Variants in NIBAN1 observed in about 807,000 individuals in gnomAD.
The protein encoded by NIBAN1 is protein Niban 1.
Under a neutral mutation model 75.1 loss-of-function variants are expected in NIBAN1, and 81 were observed. That is an observed-to-expected ratio of 1.08 (90% CI 0.90 to 1.30). The LOEUF is 1.30. NIBAN1 is among the 50% of genes most tolerant of loss of function. The pLI is 0.00. For missense variants in NIBAN1, 1,133 were observed against 1,128.1 expected (o/e 1.00, Z -0.06); for synonymous variants, 436 against 424.8 (o/e 1.03, Z -0.32).
intron 1 of NIBAN1, among the ~76,000 whole-genome samples, chr1:184,915,495 T>C (rs781150744): frequency 1.3e-5 from 2 of 152,210 alleles, no homozygotes; most frequent in African/African-American, 4.8e-5. Flanking sequence ...GATGGTTTAG[T>C]ACTTCTGGGG....
chr1:184,903,337 T>C (rs1365443220), intron 1 of NIBAN1, among the ~76,000 whole-genome samples: 1 of 152,212 alleles, frequency 6.6e-6, no homozygotes, highest in Non-Finnish European at 1.5e-5. Flanking sequence ...CATAACACCC[T>C]TCAAGGTAAT....
At chr1:184,836,802 C>A (rs1655157630) in intron 5 of NIBAN1, among the ~76,000 whole-genome samples, 2 of 152,194 alleles carry the variant, frequency 1.3e-5, no homozygotes, top group Admixed American at 1.3e-4. Context: ...TAAATACTTC[C>A]TTTCCATAAA....
At chr1:184,873,653 C>T (rs1656165661) in intron 5 of NIBAN1, among the ~76,000 whole-genome samples, 1 of 152,196 alleles carries the variant, frequency 6.6e-6, no homozygotes, top group Admixed American at 6.5e-5. Context: ...AAATCTCTTT[C>T]CTTTGTTGAG....
chr1:184,798,723 AAGG>A (rs1378786165), intron 12 of NIBAN1, among the ~76,000 whole-genome samples: 1 of 152,180 alleles, frequency 6.6e-6, no homozygotes, highest in Non-Finnish European at 1.5e-5. Context: ...AACCCAGATC[AAGG>A]AGAACATTTC....
At chr1:184,887,302 C>T (rs907556429) in intron 4 of NIBAN1, among the ~76,000 whole-genome samples, 3 of 152,116 alleles carry the variant, frequency 2.0e-5, no homozygotes, top group East Asian at 3.9e-4. Flanking sequence ...AACATGAAAA[C>T]GAGCAAATGA....
intron 4 of NIBAN1, among the ~76,000 whole-genome samples, chr1:184,889,855 A>G (rs1443465452): frequency 1.3e-5 from 2 of 152,206 alleles, no homozygotes; most frequent in African/African-American, 2.4e-5. Flanking sequence ...CCTTGGCACT[A>G]CTGATACTTT....
rs116047838 is a variant in NIBAN1, at chr1:184,812,529, C to T, written c.1174-4294G>A. 8.6e-3 allele frequency among the ~76,000 whole-genome samples: 1,308 copies of T among 152,190 alleles called. 13 individuals are homozygous for T. The highest frequency in any genetic ancestry group is 0.014 in the Non-Finnish European group (952 of 67,996). The stretch of plus-strand genomic sequence containing the variant: ...GCTTCTCTCTATATATAAAAACAGT[C>T]GAATGAATGGTAAAAATCACTGCTT... On this transcript the variant is annotated intron_variant, in intron 9 of 13. Transcript: ENST00000367511.
intron 6 of NIBAN1, among the ~76,000 whole-genome samples, chr1:184,826,036 G>A (rs1410585496): frequency 1.3e-5 from 2 of 152,166 alleles, no homozygotes; most frequent in African/African-American, 4.8e-5. Context: ...CCTTTAATCA[G>A]GGCTCTGTCG....
At chr1:184,911,088 C>T (rs1657229517) in intron 1 of NIBAN1, among the ~76,000 whole-genome samples, 1 of 151,994 alleles carries the variant, frequency 6.6e-6, no homozygotes, top group South Asian at 2.1e-4. Context: ...CACACACACA[C>T]ACATATATAT....
At position 184,921,497 on chromosome 1, in the gene NIBAN1, T is replaced by C. The variant is rs528929583; in HGVS notation, c.56-22188A>G. 1.8e-3 allele frequency among the ~76,000 whole-genome samples: 276 copies of C among 152,274 alleles called. 1 individual carries two copies. The highest frequency in any genetic ancestry group is 6.2e-3 in the African/African-American group (257 of 41,554). On this transcript the variant is annotated intron_variant, in intron 1 of 13. Transcript: ENST00000367511. Reference sequence around the variant, plus strand: ...TGATTATCACTGGGTAGTAGGCCCATAGATACAAATTTTTCCTTCCGTCTT... The same window carrying C: ...TGATTATCACTGGGTAGTAGGCCCACAGATACAAATTTTTCCTTCCGTCTT...
intron 9 of NIBAN1, among the ~76,000 whole-genome samples, chr1:184,812,165 C>T (rs1381342121): frequency 6.6e-6 from 1 of 152,150 alleles, no homozygotes; most frequent in African/African-American, 2.4e-5. Flanking sequence ...TTTTCCTTTC[C>T]TATCTTTTCT....
intron 5 of NIBAN1, among the ~76,000 whole-genome samples, chr1:184,839,564 T>TGTGC (rs1553219315): frequency 6.4e-4 from 96 of 150,776 alleles, no homozygotes; most frequent in African/African-American, 6.6e-4. Flanking sequence ...TGTGTGTGTG[T>TGTGC]GCACGCGCGC....
intron 1 of NIBAN1, among the ~76,000 whole-genome samples, chr1:184,959,424 G>C (rs1223235356): frequency 6.6e-6 from 1 of 152,278 alleles, no homozygotes; most frequent in Middle Eastern, 3.4e-3. Flanking sequence ...TTCGCACATG[G>C]AGCATATAAT....
intron 5 of NIBAN1, among the ~76,000 whole-genome samples, chr1:184,872,060 G>C (rs1020937222): frequency 6.6e-6 from 1 of 151,970 alleles, no homozygotes; most frequent in Non-Finnish European, 1.5e-5. Context: ...AAGTTAATAA[G>C]GTACCATGAG....
intron 1 of NIBAN1, among the ~76,000 whole-genome samples, chr1:184,906,851 T>G (rs1378133623): frequency 2.6e-5 from 4 of 152,218 alleles, no homozygotes; most frequent in Non-Finnish European, 5.9e-5. Context: ...CAAATCTGTA[T>G]ATTTTCTCAT....
At chr1:184,832,527 G>A (rs962947661) in intron 5 of NIBAN1, among the ~76,000 whole-genome samples, 5 of 152,126 alleles carry the variant, frequency 3.3e-5, no homozygotes, top group South Asian at 2.1e-4. Context: ...AAACCCTCGA[G>A]GAGAGTATAA....
At chr1:184,973,758 G>C (rs139157244) in intron 1 of NIBAN1, among the ~76,000 whole-genome samples, 4 of 152,228 alleles carry the variant, frequency 2.6e-5, no homozygotes, top group Non-Finnish European at 5.9e-5. Flanking sequence ...GGAAGGGAAC[G>C]GCATGACATT....
intron 3 of NIBAN1, among the ~76,000 whole-genome samples, chr1:184,892,223 T>C (rs957487041): frequency 2.6e-5 from 4 of 152,198 alleles, no homozygotes; most frequent in African/African-American, 9.7e-5. Flanking sequence ...CCCAGCCATA[T>C]GCTAAATGCT....
intron 12 of NIBAN1, among the ~76,000 whole-genome samples, chr1:184,800,958 G>T (rs967245410): frequency 1.3e-5 from 2 of 152,126 alleles, no homozygotes; most frequent in Non-Finnish European, 2.9e-5. Flanking sequence ...GCTCAGGCAT[G>T]GTGCATCCCT....
Sources: allele counts gnomAD v4.1 joint callset (sites outside exome capture counted in the v4.1 genomes callset), GRCh38; gene constraint gnomAD v4.1.1; transcripts MANE v1.5; gene names NCBI Gene and HGNC (gene_info 2026-07-23, HGNC 2026-07-21).